MMEL1: variants seen among roughly 807,000 people sequenced by gnomAD.
MMEL1 encodes membrane metalloendopeptidase like 1.
MMEL1 carries 98 observed loss-of-function variants against 117.1 expected under a neutral mutation model. The observed-to-expected ratio is 0.84, with a 90% CI of 0.71 to 0.99. The LOEUF is 0.99. MMEL1 is among the 50% of genes least tolerant of loss of function. MMEL1 has a pLI of 0.00. For synonymous variants in MMEL1, 390 were observed against 415.1 expected (o/e 0.94, Z 0.74); for missense variants, 1,014 against 1,049.1 (o/e 0.97, Z 0.46).
chr1:2,592,277 CCT>C (rs1644734436), intron 21 of MMEL1, among the ~76,000 whole-genome samples: 1 of 150,748 alleles, frequency 6.6e-6, no homozygotes, highest in Non-Finnish European at 1.5e-5. Flanking sequence ...CGAATGAGCC[CCT>C]GACGCCCCCT....
chr1:2,609,385 C>A lies in MMEL1; in HGVS notation c.489G>T (p.Pro163=). The A allele has an allele frequency of 6.2e-7, 1 of 1,612,176 alleles. No homozygotes were observed. Among genetic ancestry groups the A allele is most frequent in the South Asian group, 1.1e-5 (1 of 90,746 alleles). Residue 163 remains proline (P), a synonymous_variant, in exon 6 of 24, where the codon CCG becomes CCT. Coordinates refer to ENST00000378412, the MANE Select transcript of MMEL1 (RefSeq NM_033467.4). The part of the protein sequence containing the change: ...VLENSTAKDR[P]AVEKARTLYR... ...ACAGCGTCCTGGCCTTCTCCACAGC[C>A]GGCCGGTCCTTGGCAGTCGAATTCT... is the stretch of plus-strand genomic sequence containing the variant.
At chr1:2,594,252 G>A in intron 18 of MMEL1, 133 bp downstream of exon 18, 1 of 1,032,464 alleles carries the variant, frequency 9.7e-7, no homozygotes, top group South Asian at 1.4e-5. Flanking sequence ...GGGCAGCAAG[G>A]GGTGACATAG....
intron 2 of MMEL1, among the ~76,000 whole-genome samples, chr1:2,626,274 G>A (rs998897545): frequency 6.6e-6 from 1 of 152,148 alleles, no homozygotes; most frequent in African/African-American, 2.4e-5. Flanking sequence ...CTTTCTGAGT[G>A]GTCAAAAACT....
Position 2,603,980 on chromosome 1 carries a change from C to T in MMEL1, c.952-7G>A, listed in dbSNP as rs565067009. On this transcript the variant is annotated splice_region_variant and splice_polypyrimidine_tract_variant and intron_variant, in intron 10 of 23. Transcript: ENST00000378412. ...CCTCCTGGGGTACCGTGGCCTGTGCCGGGGATAGCAGTCACACGGGCGGGT... is the reference window on the plus strand; with the variant it reads ...CCTCCTGGGGTACCGTGGCCTGTGCTGGGGATAGCAGTCACACGGGCGGGT... 11 of 1,613,556 alleles carry T rather than the reference C, an allele frequency of 6.8e-6. No homozygotes were observed. Among genetic ancestry groups the T allele is most frequent in the South Asian group, 5.5e-5 (5 of 91,076 alleles).
intron 5 of MMEL1, 56 bp downstream of exon 5, chr1:2,609,614 C>G (rs371968535): frequency 1.9e-6 from 3 of 1,565,872 alleles, no homozygotes; most frequent in East Asian, 2.2e-5. Context: ...CAACTCCTGG[C>G]CCGGTGCTGT....
chr1:2,593,504 G>A (rs3828154), intron 19 of MMEL1, among the ~76,000 whole-genome samples: 69,647 of 152,080 alleles, frequency 0.46, 17,570 homozygotes, highest in African/African-American at 0.67. Flanking sequence ...TCTGGGCTTC[G>A]CTGCTGTATT....
intron 1 of MMEL1, among the ~76,000 whole-genome samples, chr1:2,631,556 C>T (rs1440052088): frequency 2.0e-5 from 3 of 152,156 alleles, no homozygotes; most frequent in South Asian, 2.1e-4. Flanking sequence ...GTGTGAGGAG[C>T]GGGGACGGGG....
Position 2,590,795 on chromosome 1 carries a change from T to C in MMEL1, c.*195A>G. 2.4e-6 allele frequency: 1 copy of C among 424,748 alleles called. No homozygotes were observed. Among genetic ancestry groups the C allele is most frequent in the Non-Finnish European group, 4.1e-6 (1 of 241,752 alleles). 26.3% of individuals were successfully genotyped at this position (424,748 alleles called of 1,614,324 possible). A position where few individuals can be genotyped will look rare whatever the true frequency, so the allele number is the denominator to read the frequency against. ...TCTGTGGAGGGGGCTCCGGTCCAGGTACTGCACTGGACACTGCTCATCCCT... is the reference window on the plus strand; with the variant it reads ...TCTGTGGAGGGGGCTCCGGTCCAGGCACTGCACTGGACACTGCTCATCCCT... On this transcript the variant is annotated 3_prime_UTR_variant, in exon 24 of 24. Transcript: ENST00000378412.
At chr1:2,632,062 C>T (rs968767297) in intron 1 of MMEL1, among the ~76,000 whole-genome samples, 4 of 152,178 alleles carry the variant, frequency 2.6e-5, no homozygotes, top group Non-Finnish European at 5.9e-5. Context: ...CTCCCCTTAC[C>T]CTCAGGCAGG....
intron 1 of MMEL1, among the ~76,000 whole-genome samples, chr1:2,630,458 G>A (rs769976495): frequency 2.7e-4 from 41 of 152,040 alleles, no homozygotes; most frequent in Non-Finnish European, 4.7e-4. Context: ...GTGTGTGTGC[G>A]CTCTGGTGTG....
In MMEL1 at chr1:2,595,366, G is replaced by C. The variant is rs1239663836; in HGVS notation, c.1501-7C>G. The C allele has an allele frequency of 6.2e-7, 1 of 1,613,522 alleles. No individual in the cohort carries two copies. Among genetic ancestry groups the C allele is most frequent in the East Asian group, 2.2e-5 (1 of 44,862 alleles). ...GCTCCCGGATGCTCATGGCCTGAGT[G>C]GGGAGGAGGGACTGGTCAGTGGGTG... On this transcript the variant is annotated splice_polypyrimidine_tract_variant and splice_region_variant and intron_variant, in intron 15 of 23. Coordinates refer to ENST00000378412, the MANE Select transcript of MMEL1 (RefSeq NM_033467.4). This position sits in a 1 kb window ranked among gnomAD's most constrained non-coding sequence, Gnocchi z 4.8.
chr1:2,608,350 G>A (rs1173915140), intron 6 of MMEL1, among the ~76,000 whole-genome samples: 2 of 152,122 alleles, frequency 1.3e-5, no homozygotes, highest in Non-Finnish European at 2.9e-5. Flanking sequence ...GTTAAACGGT[G>A]CTGGGCCGGG....
At chr1:2,611,174 C>T (rs933706660) in intron 4 of MMEL1, 107 bp downstream of exon 4, 8 of 1,133,510 alleles carry the variant, frequency 7.1e-6, no homozygotes, top group African/African-American at 3.2e-5. Context: ...CACCGCCCGC[C>T]GTGTCTTGGA....
Position 2,623,178 on chromosome 1 carries a change from A to C in MMEL1, c.154+6153T>G, listed in dbSNP as rs1460550134. Among the ~76,000 whole-genome samples, 5 of 152,146 alleles carry C rather than the reference A, an allele frequency of 3.3e-5. No homozygotes were observed. The East Asian group carries it at 9.6e-4, about 29-fold the overall frequency. On this transcript the variant is annotated intron_variant, in intron 2 of 23. Coordinates refer to ENST00000378412, the MANE Select transcript of MMEL1 (RefSeq NM_033467.4). The stretch of plus-strand genomic sequence containing the variant: ...GTGACTCCGTCTAAAAAAAAAAAAA[A>C]ACCAAGTTCTTAACGGCAATAACAT...
chr1:2,594,553 C>T, intron 17 of MMEL1, 110 bp from the exon 18 acceptor site: 1 of 1,307,614 alleles, frequency 7.6e-7, no homozygotes, highest in South Asian at 1.3e-5. Flanking sequence ...GAGCAAGGGC[C>T]CAGGCCTATC....
intron 8 of MMEL1, 82 bp from the exon 9 acceptor site, chr1:2,605,705 C>G (rs1446444077): frequency 9.5e-7 from 1 of 1,052,598 alleles, no homozygotes; most frequent in East Asian, 2.4e-5. Context: ...GCCGCCTCCC[C>G]ACAGGACTGT....
At chr1:2,604,850 G>A (rs1472685150) in intron 9 of MMEL1, among the ~76,000 whole-genome samples, 3 of 152,144 alleles carry the variant, frequency 2.0e-5, no homozygotes, top group Non-Finnish European at 4.4e-5. Flanking sequence ...CAGACATGGC[G>A]CTTTTGAGAC....
chr1:2,604,969 C>A (rs1045018416), intron 9 of MMEL1, among the ~76,000 whole-genome samples: 4 of 152,188 alleles, frequency 2.6e-5, no homozygotes, highest in African/African-American at 9.7e-5. Flanking sequence ...AGTTCATAGC[C>A]CACCTCCACC....
intron 2 of MMEL1, among the ~76,000 whole-genome samples, chr1:2,628,426 G>A (rs778116570): frequency 6.6e-6 from 1 of 152,242 alleles, no homozygotes; most frequent in Non-Finnish European, 1.5e-5. Context: ...AACACAGGCT[G>A]AGGCGCCCCA....
Sources: allele counts gnomAD v4.1 joint callset (sites outside exome capture counted in the v4.1 genomes callset), GRCh38; gene constraint gnomAD v4.1.1; non-coding constraint Gnocchi (gnomAD v3.1); transcripts MANE v1.5; gene names NCBI Gene and HGNC (gene_info 2026-07-23, HGNC 2026-07-21).